Variants in STK32C observed in about 807,000 individuals in gnomAD.
STK32C encodes serine/threonine kinase 32C, also known as serine/threonine-protein kinase 32C.
A neutral mutation model predicts 56.5 loss-of-function variants in STK32C; 31 were observed. The ratio of observed to expected loss-of-function variants is 0.55; its 90% confidence interval spans 0.41 to 0.74. The LOEUF (loss-of-function observed/expected upper bound fraction) is 0.74. STK32C is among the 30% of genes least tolerant of loss of function. The pLI is 0.00. For synonymous variants in STK32C, 309 were observed against 289.4 expected, an observed-to-expected ratio of 1.07 and a Z score of -0.69; for missense variants, 544 against 676.9, an observed-to-expected ratio of 0.80 and a Z score of 2.18.
Position 132,266,387 on chromosome 10 carries a change from T to TG in STK32C, c.263-20433dup, listed in dbSNP as rs541867977. On this transcript the variant is annotated intron_variant, in intron 1 of 11. Coordinates refer to ENST00000298630, the MANE Select transcript of STK32C (RefSeq NM_173575.4). ...AGGAGGACAACGTTCTCTGTCTCCATGGGGGGTCTTGGTTACACAGGTGTG... is the reference window on the plus strand; with the variant it reads ...AGGAGGACAACGTTCTCTGTCTCCATGGGGGGGTCTTGGTTACACAGGTGTG... 2.8e-3 allele frequency among the ~76,000 whole-genome samples: 424 copies of TG among 152,256 alleles called. 1 individual carries two copies. Among genetic ancestry groups the TG allele is most frequent in the African/African-American group, 9.5e-3 (396 of 41,552 alleles).
chr10:132,276,663 T>C (rs1482089309), intron 1 of STK32C, among the ~76,000 whole-genome samples: 1 of 151,696 alleles, frequency 6.6e-6, no homozygotes, highest in Non-Finnish European at 1.5e-5. Context: ...GGCACACACC[T>C]ATAGTCCCAG....
intron 2 of STK32C, among the ~76,000 whole-genome samples, chr10:132,231,549 C>A (rs565928238): frequency 6.6e-6 from 1 of 152,218 alleles, no homozygotes; most frequent in Non-Finnish European, 1.5e-5. Flanking sequence ...GGTGGAAACG[C>A]CTCGATCCCT....
intron 2 of STK32C, among the ~76,000 whole-genome samples, chr10:132,238,586 G>T (rs943537713): frequency 1.3e-5 from 2 of 152,160 alleles, no homozygotes; most frequent in Non-Finnish European, 1.5e-5. Flanking sequence ...TCATGCAGGG[G>T]ATGTGGGCTC....
Position 132,228,098 on chromosome 10 carries a change from T to C in STK32C, c.349A>G (p.Lys117Glu). 1 of 1,614,008 alleles carries C rather than the reference T, an allele frequency of 6.2e-7. No homozygotes were observed. ...VCIVQKRDTEKMYAMKYMNKQ... is the reference protein window; with the variant it reads ...VCIVQKRDTEEMYAMKYMNKQ... The stretch of plus-strand genomic sequence containing the variant: ...TTCATGTACTTCATGGCGTACATCT[T>C]CTCCGTGTCCCGCTTCTGCACAATG... Residue 117 changes from lysine (K) to glutamate (E), a missense_variant, in exon 3 of 12, where the codon AAG becomes GAG. Physicochemically the swap from Lys to Glu is moderately conservative, Grantham distance 56. This residue lies in a region of STK32C where 182 missense variants were observed against 217.7 expected (regional missense o/e 0.84). Coordinates refer to ENST00000298630, the MANE Select transcript of STK32C (RefSeq NM_173575.4).
chr10:132,222,869 CG>C lies in STK32C; in HGVS notation c.1110del (p.Phe370LeufsTer19). 1.3e-6 allele frequency: 2 copies of C among 1,583,298 alleles called. No homozygotes were observed. Among genetic ancestry groups the C allele is most frequent in the Non-Finnish European group, 1.7e-6 (2 of 1,167,332 alleles). On this transcript the variant is annotated frameshift_variant, in exon 9 of 12. Transcript: ENST00000298630. LOFTEE classifies it high-confidence loss of function. The part of the protein sequence containing the change: ...HLSEKRVEPG[F>X]VPNKGRLHCD... ...GCCGCCCACAGGCTTACGTTGGGCACGAAGCCCGGCTCCACCCTCTTCTCGC... is the reference window on the plus strand; with the variant it reads ...GCCGCCCACAGGCTTACGTTGGGCACAAGCCCGGCTCCACCCTCTTCTCGC...
At chr10:132,224,633 A>C (rs1470287886) in intron 7 of STK32C, 110 bp from the exon 8 acceptor site, 1 of 757,714 alleles carries the variant, frequency 1.3e-6, no homozygotes, top group Non-Finnish European at 2.2e-6. Context: ...CCCCACCCCA[A>C]GTGCAGGCAC....
At chr10:132,300,220 A>T (rs1421286835) in intron 1 of STK32C, among the ~76,000 whole-genome samples, 1 of 152,242 alleles carries the variant, frequency 6.6e-6, no homozygotes, top group Admixed American at 6.5e-5. Context: ...ACTGTGAGAA[A>T]TGGAATGTGC....
In STK32C at chr10:132,300,368, G is replaced by C. The variant is rs1156621006; in HGVS notation, c.262+7204C>G. Among the ~76,000 whole-genome samples, 3 of 152,202 alleles carry C rather than the reference G, an allele frequency of 2.0e-5. No homozygotes were observed. In the East Asian group the frequency reaches 5.8e-4, roughly 29 times the overall value. On this transcript the variant is annotated intron_variant, in intron 1 of 11. Transcript: ENST00000298630. ...GGAGCCCAGAAGGAAGCATGGCAGAGACCATGGGGGCTCCCTCCTCACAGG... is the reference window on the plus strand; with the variant it reads ...GGAGCCCAGAAGGAAGCATGGCAGACACCATGGGGGCTCCCTCCTCACAGG...
At chr10:132,209,265 CG>C in intron 10 of STK32C, 164 bp from the exon 11 acceptor site, 1 of 715,356 alleles carries the variant, frequency 1.4e-6, no homozygotes, top group Non-Finnish European at 2.5e-6. Flanking sequence ...CCAGACTGCC[CG>C]GGAGCTCGCA....
chr10:132,208,367 T>C (rs2062171311), intron 11 of STK32C, among the ~76,000 whole-genome samples: 1 of 152,112 alleles, frequency 6.6e-6, no homozygotes, highest in African/African-American at 2.4e-5. Context: ...AGGCTCGGCG[T>C]GTTTCCAGCC....
chr10:132,217,630 G>A (rs561922045), intron 10 of STK32C, among the ~76,000 whole-genome samples: 24 of 152,298 alleles, frequency 1.6e-4, no homozygotes, highest in Middle Eastern at 6.8e-3. Context: ...CCCACATGTT[G>A]TGGGAGGAAC....
At chr10:132,242,364 C>G (rs1321089919) in intron 2 of STK32C, among the ~76,000 whole-genome samples, 1 of 152,116 alleles carries the variant, frequency 6.6e-6, no homozygotes, top group Non-Finnish European at 1.5e-5. Flanking sequence ...GCTCCGACGG[C>G]ACCAGTAAAC....
chr10:132,227,139 G>A (rs2062918698), intron 3 of STK32C, among the ~76,000 whole-genome samples, 171 bp from the exon 4 acceptor site: 1 of 152,372 alleles, frequency 6.6e-6, no homozygotes, highest in African/African-American at 2.4e-5. Flanking sequence ...CCAGCCCAGA[G>A]CAGCTCTGAG....
chr10:132,294,176 G>A (rs2065662336), intron 1 of STK32C, among the ~76,000 whole-genome samples: 1 of 152,192 alleles, frequency 6.6e-6, no homozygotes. Flanking sequence ...CCAGCGTGTG[G>A]GTGGAGCGGG....
chr10:132,229,561 C>G (rs2063021337), intron 2 of STK32C, among the ~76,000 whole-genome samples: 1 of 152,216 alleles, frequency 6.6e-6, no homozygotes, highest in Non-Finnish European at 1.5e-5. Flanking sequence ...CTCTCTGCCA[C>G]GAATGGTAAC....
At position 132,253,092 on chromosome 10, in the gene STK32C, G is replaced by A. The variant is rs186292275; in HGVS notation, c.263-7137C>T. Reference sequence around the variant, plus strand: ...CAGCACCCAGACAGCAGGGACGTTCGTCCTCCCTAACGCAGCATTTCCCTG... The same window carrying A: ...CAGCACCCAGACAGCAGGGACGTTCATCCTCCCTAACGCAGCATTTCCCTG... On this transcript the variant is annotated intron_variant, in intron 1 of 11. Coordinates refer to ENST00000298630, the MANE Select transcript of STK32C (RefSeq NM_173575.4). Among the ~76,000 whole-genome samples, 425 of 152,338 alleles carry A rather than the reference G, an allele frequency of 2.8e-3. 3 individuals are homozygous for A. Among genetic ancestry groups the A allele is most frequent in the African/African-American group, 9.7e-3 (404 of 41,582 alleles).
intron 1 of STK32C, among the ~76,000 whole-genome samples, chr10:132,265,190 G>GGCGAGGTGGCTCTGGGGGTGCCT (rs2064469089): frequency 7.0e-6 from 1 of 142,452 alleles, no homozygotes; most frequent in African/African-American, 3.0e-5. Flanking sequence ...TGGGGGAGCC[G>GGCGAGGTGGCTCTGGGGGTGCCT]CAAGGGCAGT....
chr10:132,289,382 T>G (rs2065500763), intron 1 of STK32C, among the ~76,000 whole-genome samples: 1 of 152,194 alleles, frequency 6.6e-6, no homozygotes, highest in Non-Finnish European at 1.5e-5. Context: ...AGCCATAAAC[T>G]GGAAGAAAAC....
intron 1 of STK32C, among the ~76,000 whole-genome samples, chr10:132,279,730 C>T (rs79146791): frequency 1.5e-5 from 1 of 66,526 alleles, no homozygotes; most frequent in Admixed American, 1.3e-4. Context: ...CCTGATCACA[C>T]CACTGCACTC....
Sources: allele counts gnomAD v4.1 joint callset (sites outside exome capture counted in the v4.1 genomes callset), GRCh38; gene constraint gnomAD v4.1.1; regional missense constraint gnomAD v4.1.1; transcripts MANE v1.5; gene names NCBI Gene and HGNC (gene_info 2026-07-23, HGNC 2026-07-21).